The following CAMSAP1 variants were observed in gnomAD, a reference collection of about 807,000 sequenced individuals.
The protein encoded by CAMSAP1 is calmodulin regulated spectrin associated protein 1, also known as calmodulin-regulated spectrin-associated protein 1.
A neutral mutation model predicts 143.5 loss-of-function variants in CAMSAP1; 58 were observed. The observed-to-expected ratio is 0.40, with a 90% CI of 0.33 to 0.50. The LOEUF (loss-of-function observed/expected upper bound fraction) is 0.50, where lower values mean the gene tolerates loss of function less well. Among genes scored for constraint, CAMSAP1 ranks in the 20% least tolerant of loss-of-function variants. The probability of loss-of-function intolerance (pLI) is 0.45; values close to 1 mark genes in which losing one functional copy is unlikely to be tolerated. For missense variants in CAMSAP1, 1,969 were observed against 2,115.7 expected (o/e 0.93, Z 1.36); for synonymous variants, 945 against 859.3 (o/e 1.10, Z -1.74).
intron 4 of CAMSAP1, among the ~76,000 whole-genome samples, chr9:135,863,571 T>C (rs1385487399): frequency 6.6e-5 from 10 of 152,132 alleles, no homozygotes; most frequent in Non-Finnish European, 2.9e-5. Flanking sequence ...TGAGGAGAAA[T>C]TGTCTAAAAT....
chr9:135,864,370 G>A (rs965530633), intron 4 of CAMSAP1, among the ~76,000 whole-genome samples: 15 of 152,186 alleles, frequency 9.9e-5, no homozygotes, highest in African/African-American at 3.6e-4. Flanking sequence ...TTTCAAGAGA[G>A]GCAAAATGAT....
intron 1 of CAMSAP1, among the ~76,000 whole-genome samples, chr9:135,899,719 G>A (rs11791009): frequency 0.12 from 18,948 of 151,958 alleles, 1,629 homozygotes; most frequent in East Asian, 0.32. Context: ...TGCACATCAC[G>A]CACTCCCCTC....
At position 135,882,683 on chromosome 9, in the gene CAMSAP1, C is replaced by T. The variant is rs1036895447; in HGVS notation, c.423+133G>A. 4 of 1,006,436 alleles carry T rather than the reference C, an allele frequency of 4.0e-6. No homozygotes were observed. The African/African-American group carries it at 6.5e-5, about 16-fold the overall frequency. The allele number at this position is 1,006,436 out of a possible 1,614,324, so 62.3% of individuals were successfully genotyped here. A position where few individuals can be genotyped will look rare whatever the true frequency, so the allele number is the denominator to read the frequency against. ...AGATATGCAGTTTCCTAAGGAACGC[C>T]AGTGTGCAAAAGCACGGGTCTCCAC... On this transcript the variant is annotated intron_variant, in intron 2 of 16. Transcript: ENST00000389532. This position sits in a 1 kb window ranked among gnomAD's most constrained non-coding sequence, Gnocchi z 4.9.
intron 5 of CAMSAP1, among the ~76,000 whole-genome samples, chr9:135,852,104 T>A (rs1199979736): frequency 6.6e-5 from 10 of 152,194 alleles, no homozygotes; most frequent in Admixed American, 5.2e-4. Flanking sequence ...ATGACTGCTG[T>A]GGCTTTACTT....
chr9:135,821,576 C>A lies in CAMSAP1; in HGVS notation c.3085G>T (p.Glu1029Ter). The change falls in exon 11 of 17, where the codon GAA becomes TAA. Residue 1029 changes from glutamate to a stop codon, truncating the protein, a stop_gained. Coordinates refer to ENST00000389532, the MANE Select transcript of CAMSAP1 (RefSeq NM_015447.4). LOFTEE classifies it high-confidence loss of function. This position sits in a 1 kb window ranked among gnomAD's most constrained non-coding sequence, Gnocchi z 4.6. ...ECDLSIEKLN[E>*]TISTLQQAIL... ...GCCTGCTGCAGCGTACTGATGGTTT[C>A]GTTAAGCTTCTCGATGGAAAGGTCA... 1.2e-6 allele frequency: 2 copies of A among 1,613,992 alleles called. No homozygotes were observed. Among genetic ancestry groups the A allele is most frequent in the Non-Finnish European group, 1.7e-6 (2 of 1,179,888 alleles).
chr9:135,889,455 T>C (rs1035058471), intron 1 of CAMSAP1, among the ~76,000 whole-genome samples: 3 of 152,210 alleles, frequency 2.0e-5, no homozygotes, highest in Non-Finnish European at 4.4e-5. Context: ...AAAGTGACCA[T>C]GGAACAATGC....
intron 7 of CAMSAP1, chr9:135,836,633 C>T: frequency 2.0e-6 from 2 of 984,688 alleles, no homozygotes; most frequent in Non-Finnish European, 2.4e-6. Flanking sequence ...CCCTGTTCTA[C>T]AGACACACAT....
intron 1 of CAMSAP1, among the ~76,000 whole-genome samples, chr9:135,898,151 A>G (rs1256679275): frequency 1.3e-5 from 2 of 152,218 alleles, no homozygotes; most frequent in Admixed American, 6.5e-5. Flanking sequence ...AGCAGAAGGG[A>G]AGGAGACAGG....
rs752379709 is a variant in CAMSAP1, at chr9:135,821,737, T to A, written c.2924A>T (p.Asp975Val). The A allele has an allele frequency of 2.9e-5, 46 of 1,613,908 alleles. No individual in the cohort carries two copies. In the South Asian group the frequency reaches 5.1e-4, roughly 18 times the overall value. The change falls in exon 11 of 17, where the codon GAC becomes GTC. Residue 975 changes from aspartate to valine, a missense_variant. Asp to Val is a radical substitution (Grantham distance 152). Transcript: ENST00000389532. This position sits in a 1 kb window ranked among gnomAD's most constrained non-coding sequence, Gnocchi z 4.6. ...EELLHEPQDV[D>V]KESLAFAQQH... ...CTGAGCAAAGGCCAGGCTCTCTTTG[T>A]CCACATCCTGTGGCTCGTGAAGGAG...
Position 135,821,860 on chromosome 9 carries a change from T to C in CAMSAP1, c.2801A>G (p.His934Arg), listed in dbSNP as rs748306525. The change falls in exon 11 of 17, where the codon CAC becomes CGC. Residue 934 changes from histidine (H) to arginine (R), a missense_variant. By Grantham distance (29) the His-to-Arg change is conservative. This residue lies in a region of CAMSAP1 where 1,390 missense variants were observed against 1,420.8 expected (regional missense o/e 0.98). Coordinates refer to ENST00000389532, the MANE Select transcript of CAMSAP1 (RefSeq NM_015447.4). The surrounding 1 kb of genome is among the most constrained non-coding windows in gnomAD (Gnocchi z 4.6). ...AEAAPPLRPE[H>R]FAKEYSQHNG... ...GTGCTGAGAGTACTCCTTTGCAAAG[T>C]GCTCCGGCCTGAGGGGTGGGGCAGC... The C allele has an allele frequency of 4.3e-6, 7 of 1,614,004 alleles. No homozygotes were observed. Among genetic ancestry groups the C allele is most frequent in the Non-Finnish European group, 5.9e-6 (7 of 1,179,880 alleles).
At chr9:135,887,134 C>T (rs1443347630) in intron 1 of CAMSAP1, among the ~76,000 whole-genome samples, 4 of 152,254 alleles carry the variant, frequency 2.6e-5, no homozygotes, top group East Asian at 3.9e-4. Context: ...GAGAGCCGGG[C>T]GCAGTGGGAG....
At chr9:135,816,890 C>G (rs1249893140) in intron 14 of CAMSAP1, among the ~76,000 whole-genome samples, 1 of 152,182 alleles carries the variant, frequency 6.6e-6, no homozygotes. Context: ...TCCGTGAGGT[C>G]CAGACCAGTC....
In CAMSAP1 at chr9:135,820,353, G is replaced by A. The variant is rs1318980101; in HGVS notation, c.3822+486C>T. On this transcript the variant is annotated intron_variant, in intron 11 of 16. Coordinates refer to ENST00000389532, the MANE Select transcript of CAMSAP1 (RefSeq NM_015447.4). This position sits in a 1 kb window ranked among gnomAD's most constrained non-coding sequence, Gnocchi z 4.4. ...TGACTATTAAAACAGTTCAGTTTAC[G>A]CTTCCCTTCATATCTAAGGAAAAAA... 2.6e-5 allele frequency among the ~76,000 whole-genome samples: 4 copies of A among 152,098 alleles called. No homozygotes were observed. Among genetic ancestry groups the A allele is most frequent in the African/African-American group, 4.8e-5 (2 of 41,406 alleles).
chr9:135,881,568 C>T (rs758113117), intron 3 of CAMSAP1, 65 bp downstream of exon 3: 3 of 1,527,896 alleles, frequency 2.0e-6, no homozygotes, highest in Non-Finnish European at 2.7e-6. Context: ...GTGTGCTGCT[C>T]TCAAGTGAAA....
chr9:135,905,132 A>G (rs931491677), intron 1 of CAMSAP1, among the ~76,000 whole-genome samples: 1 of 152,232 alleles, frequency 6.6e-6, no homozygotes, highest in Non-Finnish European at 1.5e-5. Flanking sequence ...ACCTTTTAAT[A>G]ATTCCAGAAC....
intron 1 of CAMSAP1, among the ~76,000 whole-genome samples, chr9:135,900,377 G>T (rs1484960688): frequency 6.6e-6 from 1 of 152,060 alleles, no homozygotes; most frequent in African/African-American, 2.4e-5. Context: ...GGACGAGAGT[G>T]ACTGGGGAAT....
Position 135,818,631 on chromosome 9 carries a change from C to G in CAMSAP1, c.3960-15G>C, listed in dbSNP as rs547710212. ...CAGCTTTGCGCCTGAGAGAAACACA[C>G]GCCCAGACACTGCTCGGTCACGGGG... On this transcript the variant is annotated splice_polypyrimidine_tract_variant and intron_variant, in intron 12 of 16. Coordinates refer to ENST00000389532, the MANE Select transcript of CAMSAP1 (RefSeq NM_015447.4). The surrounding 1 kb of genome is among the most constrained non-coding windows in gnomAD (Gnocchi z 7.7). The G allele has an allele frequency of 2.5e-6, 4 of 1,609,248 alleles. No individual in the cohort carries two copies. The highest frequency in any genetic ancestry group is 3.3e-5 in the Admixed American group (2 of 59,954).
intron 1 of CAMSAP1, among the ~76,000 whole-genome samples, chr9:135,889,401 G>A (rs1838223588): frequency 6.6e-6 from 1 of 152,224 alleles, no homozygotes; most frequent in Non-Finnish European, 1.5e-5. Flanking sequence ...ACTTCCAGGA[G>A]AAAAGGCAAT....
chr9:135,847,109 A>C (rs898711310), intron 7 of CAMSAP1, among the ~76,000 whole-genome samples: 1 of 152,082 alleles, frequency 6.6e-6, no homozygotes, highest in African/African-American at 2.4e-5. Flanking sequence ...GCACTTTGGG[A>C]GGCTGAGGCG....
Sources: allele counts gnomAD v4.1 joint callset (sites outside exome capture counted in the v4.1 genomes callset), GRCh38; gene constraint gnomAD v4.1.1; regional missense constraint gnomAD v4.1.1; non-coding constraint Gnocchi (gnomAD v3.1); transcripts MANE v1.5; gene names NCBI Gene and HGNC (gene_info 2026-07-23, HGNC 2026-07-21).